Variants in LMX1A observed in about 807,000 individuals in gnomAD.
The protein encoded by LMX1A is LIM homeobox transcription factor 1 alpha, also known as LIM homeobox transcription factor 1-alpha.
A neutral mutation model predicts 49.1 loss-of-function variants in LMX1A; 15 were observed. That is an observed-to-expected ratio of 0.31 (90% CI 0.20 to 0.47). LMX1A has a LOEUF of 0.47. Ranked by LOEUF, LMX1A falls within the 20% of genes least tolerant of loss-of-function variation. LMX1A has a pLI of 1.00. For synonymous variants in LMX1A, 167 were observed against 185.7 expected, an observed-to-expected ratio of 0.90 and a Z score of 0.82; for missense variants, 372 against 475.8, an observed-to-expected ratio of 0.78 and a Z score of 2.03.
chr1:165,353,940 C>G (rs1656513064), intron 2 of LMX1A, among the ~76,000 whole-genome samples: 1 of 152,208 alleles, frequency 6.6e-6, no homozygotes, highest in Admixed American at 6.5e-5. Flanking sequence ...CGCTGAGTGT[C>G]CCGGCCGGGA....
intron 4 of LMX1A, among the ~76,000 whole-genome samples, chr1:165,232,183 C>CA (rs1254599751): frequency 6.6e-6 from 1 of 152,174 alleles, no homozygotes; most frequent in Non-Finnish European, 1.5e-5. Context: ...CAAAGGGCCC[C>CA]AGACCAGGGT....
chr1:165,221,823 A>G (rs1651858096), intron 4 of LMX1A, among the ~76,000 whole-genome samples: 1 of 151,740 alleles, frequency 6.6e-6, no homozygotes, highest in Non-Finnish European at 1.5e-5. Flanking sequence ...GATTGGTAGA[A>G]TTACTGTGGA....
At chr1:165,310,470 C>A (rs1006760062) in intron 3 of LMX1A, among the ~76,000 whole-genome samples, 2 of 152,198 alleles carry the variant, frequency 1.3e-5, no homozygotes, top group Non-Finnish European at 2.9e-5. Context: ...AGCCACAGGG[C>A]ACTGAAGATA....
At chr1:165,289,492 T>C (rs1463632597) in intron 3 of LMX1A, among the ~76,000 whole-genome samples, 2 of 152,228 alleles carry the variant, frequency 1.3e-5, no homozygotes, top group Admixed American at 1.3e-4. Flanking sequence ...GCTTCAAATC[T>C]TACCTACCTC....
At chr1:165,344,959 G>A (rs910279799) in intron 3 of LMX1A, among the ~76,000 whole-genome samples, 3 of 152,206 alleles carry the variant, frequency 2.0e-5, no homozygotes, top group Admixed American at 1.3e-4. Context: ...AGGCTGTCGG[G>A]TGCTCAAACA....
Position 165,203,658 on chromosome 1 carries a change from C to A in LMX1A, c.*222G>T. 2.4e-6 allele frequency: 1 copy of A among 423,236 alleles called. No individual in the cohort carries two copies. The highest frequency in any genetic ancestry group is 4.3e-6 in the Non-Finnish European group (1 of 234,274). 26.2% of individuals were successfully genotyped at this position (423,236 alleles called of 1,614,324 possible). On this transcript the variant is annotated 3_prime_UTR_variant, in exon 9 of 9. Transcript: ENST00000342310. ...CTTAATGATAAACACGTCTTCATAT[C>A]TAATGCTAAGACTCTTATTAGAAAC...
At position 165,267,244 on chromosome 1, in the gene LMX1A, A is replaced by G. The variant is rs538698901; in HGVS notation, c.264-17604T>C. Among the ~76,000 whole-genome samples the G allele has an allele frequency of 1.2e-4, 18 of 152,328 alleles. 1 individual carries two copies. In the South Asian group the frequency reaches 2.1e-3, roughly 18 times the overall value. On this transcript the variant is annotated intron_variant, in intron 3 of 8. Transcript: ENST00000342310. The stretch of plus-strand genomic sequence containing the variant: ...GATCTGGATATTTTATATACATATA[A>G]TCATATAATATGTGGCCCTTTGTGT...
rs16841961 is a variant in LMX1A at position 165,278,847 on chromosome 1, C to A, written c.264-29207G>T. Among the ~76,000 whole-genome samples, 1,449 of 152,326 alleles carry A rather than the reference C, an allele frequency of 9.5e-3. 23 individuals are homozygous for A. The highest frequency in any genetic ancestry group is 0.033 in the African/African-American group (1,372 of 41,574). ...GAGTGGAACTGGAGCATTAACCCTG[C>A]ACCCAGTGCTGCTGAGGTCCCAGAA... On this transcript the variant is annotated intron_variant, in intron 3 of 8. Transcript: ENST00000342310.
chr1:165,327,796 G>A (rs1226577737), intron 3 of LMX1A, among the ~76,000 whole-genome samples: 3 of 152,222 alleles, frequency 2.0e-5, no homozygotes, highest in Non-Finnish European at 4.4e-5. Flanking sequence ...GCTGCTGCCA[G>A]CAGGAAGCTT....
chr1:165,228,900 G>C (rs989301506), intron 4 of LMX1A, among the ~76,000 whole-genome samples: 3 of 152,052 alleles, frequency 2.0e-5, no homozygotes, highest in African/African-American at 4.8e-5. Flanking sequence ...TTATCATCTT[G>C]CTTGCAGAGC....
intron 5 of LMX1A, 144 bp downstream of exon 5, chr1:165,213,497 C>T: frequency 1.4e-6 from 1 of 732,848 alleles, no homozygotes; most frequent in Non-Finnish European, 2.3e-6. Context: ...GAGTCTCCAA[C>T]AGGCTTGAGC....
chr1:165,247,218 GC>G (rs1652893629), intron 4 of LMX1A, among the ~76,000 whole-genome samples: 1 of 151,786 alleles, frequency 6.6e-6, no homozygotes, highest in Non-Finnish European at 1.5e-5. Flanking sequence ...ATCATGAAAG[GC>G]TAGACCACAG....
chr1:165,203,612 T>G lies in LMX1A; in HGVS notation c.*268A>C. On this transcript the variant is annotated 3_prime_UTR_variant, in exon 9 of 9. Transcript: ENST00000342310. ...TAAGTATCTAGTTTGCATGAGAATGTCTATATTAAAAGTCTCTGTCCTTAA... is the reference window on the plus strand; with the variant it reads ...TAAGTATCTAGTTTGCATGAGAATGGCTATATTAAAAGTCTCTGTCCTTAA... 1 of 285,312 alleles carries G rather than the reference T, an allele frequency of 3.5e-6. No individual in the cohort carries two copies. Among genetic ancestry groups the G allele is most frequent in the Non-Finnish European group, 6.7e-6 (1 of 149,566 alleles). The allele number at this position is 285,312 out of a possible 1,614,324, so 17.7% of individuals were successfully genotyped here.
Position 165,286,903 on chromosome 1 carries a change from G to A in LMX1A, c.264-37263C>T, listed in dbSNP as rs543944225. On this transcript the variant is annotated intron_variant, in intron 3 of 8. Coordinates refer to ENST00000342310, the MANE Select transcript of LMX1A (RefSeq NM_177398.4). ...AATATTACCCTATAAGTGAAGTTTG[G>A]TGCTGAAAGAGAACAATTCTTGAGT... Among the ~76,000 whole-genome samples the A allele has an allele frequency of 5.8e-4, 89 of 152,240 alleles. 1 individual carries two copies. The highest frequency in any genetic ancestry group is 3.4e-3 in the Middle Eastern group (1 of 294).
intron 3 of LMX1A, among the ~76,000 whole-genome samples, chr1:165,316,878 C>T (rs1655245701): frequency 1.3e-5 from 2 of 152,168 alleles, no homozygotes; most frequent in African/African-American, 4.8e-5. Context: ...AGCTGCCTCC[C>T]TAAACAGGAT....
intron 3 of LMX1A, among the ~76,000 whole-genome samples, chr1:165,271,228 C>A (rs548629718): frequency 1.4e-3 from 213 of 152,142 alleles, no homozygotes; most frequent in African/African-American, 5.0e-3. Context: ...AATGAAGAAC[C>A]CCCTGGTCCC....
intron 4 of LMX1A, among the ~76,000 whole-genome samples, chr1:165,225,541 C>T (rs541422588): frequency 6.6e-6 from 1 of 152,300 alleles, no homozygotes; most frequent in South Asian, 2.1e-4. Context: ...ACTGTCATTA[C>T]TTGTAAAAGA....
intron 3 of LMX1A, among the ~76,000 whole-genome samples, chr1:165,255,424 T>C (rs1045396458): frequency 6.6e-6 from 1 of 152,202 alleles, no homozygotes; most frequent in East Asian, 1.9e-4. Flanking sequence ...TCAGTTTTGG[T>C]GAGAGAGCCT....
At chr1:165,255,152 C>T (rs1653192388) in intron 3 of LMX1A, among the ~76,000 whole-genome samples, 1 of 152,180 alleles carries the variant, frequency 6.6e-6, no homozygotes, top group Non-Finnish European at 1.5e-5. Flanking sequence ...TAAATGACCT[C>T]AGTAGGATGT....
Sources: gnomAD v4.1 joint callset for allele counts (sites outside exome capture counted in the v4.1 genomes callset) on GRCh38, gnomAD v4.1.1 for gene constraint, MANE v1.5 for transcripts, NCBI Gene and HGNC (gene_info 2026-07-23, HGNC 2026-07-21) for gene names.